CDH7: variants seen among roughly 807,000 people sequenced by gnomAD.
CDH7 encodes cadherin-7.
A neutral mutation model predicts 71.8 loss-of-function variants in CDH7; 25 were observed. The observed-to-expected ratio is 0.35, with a 90% CI of 0.25 to 0.49. The LOEUF is 0.49. Ranked by LOEUF, CDH7 falls within the 20% of genes least tolerant of loss-of-function variation. CDH7 has a pLI of 0.99. For synonymous variants in CDH7, 381 were observed against 363.8 expected, an observed-to-expected ratio of 1.05 and a Z score of -0.54; for missense variants, 862 against 974.6, an observed-to-expected ratio of 0.88 and a Z score of 1.54.
chr18:65,858,479 G>C (rs1913443915), intron 8 of CDH7, among the ~76,000 whole-genome samples: 1 of 151,898 alleles, frequency 6.6e-6, no homozygotes, highest in Non-Finnish European at 1.5e-5. Flanking sequence ...CAAATGTATA[G>C]TCATGCAAAT....
chr18:65,889,076 C>A lies in CDH7; in HGVS notation c.*8182C>A. On this transcript the variant is annotated 3_prime_UTR_variant, in exon 12 of 12. Transcript: ENST00000397968. ...ATATTGTCATTACGATGGCACTTCA[C>A]CAGTATGTCCTAATCTATTCTCTAT... 6.8e-6 allele frequency: 1 copy of A among 147,280 alleles called. No individual in the cohort carries two copies. 9.1% of individuals were successfully genotyped at this position (147,280 alleles called of 1,614,324 possible).
In CDH7 at chr18:65,781,844, T is replaced by C. The variant is rs1414173534; in HGVS notation, c.210+18792T>C. Among the ~76,000 whole-genome samples, 97 of 98,338 alleles carry C rather than the reference T, an allele frequency of 9.9e-4. 7 individuals carry two copies. Among genetic ancestry groups the C allele is most frequent in the African/African-American group, 5.9e-3 (88 of 14,854 alleles). 64.5% of individuals were successfully genotyped at this position (98,338 alleles called of 152,430 possible). A position where few individuals can be genotyped will look rare whatever the true frequency, so the allele number is the denominator to read the frequency against. On this transcript the variant is annotated intron_variant, in intron 2 of 11. Transcript: ENST00000397968. ...CTTCTTTCTTTCTTTCTTTCTTTCTTTCTTTCTTTCTTTCTTTCTTTCTCT... is the reference window on the plus strand; with the variant it reads ...CTTCTTTCTTTCTTTCTTTCTTTCTCTCTTTCTTTCTTTCTTTCTTTCTCT...
chr18:65,874,439 T>C (rs1158453670), intron 11 of CDH7, among the ~76,000 whole-genome samples: 1 of 150,878 alleles, frequency 6.6e-6, no homozygotes, highest in African/African-American at 2.5e-5. Context: ...ATACCTCATG[T>C]TCTCATTTAT....
At position 65,885,186 on chromosome 18, in the gene CDH7, G is replaced by A. The variant is rs1352185875; in HGVS notation, c.*4292G>A. On this transcript the variant is annotated 3_prime_UTR_variant, in exon 12 of 12. Transcript: ENST00000397968. ...TAATTGAAACTATTTCAGAAGAGTG[G>A]GATAAGCCCTTAAGAAAAATGGGAG... is the stretch of plus-strand genomic sequence containing the variant. 6.6e-6 allele frequency: 1 copy of A among 151,766 alleles called. No individual in the cohort carries two copies. Among genetic ancestry groups the A allele is most frequent in the Non-Finnish European group, 1.5e-5 (1 of 67,930 alleles). The allele number at this position is 151,766 out of a possible 1,614,324, so 9.4% of individuals were successfully genotyped here.
chr18:65,843,900 C>T lies in CDH7; in HGVS notation c.1070C>T (p.Pro357Leu), dbSNP rs1599044821. 6.2e-7 allele frequency: 1 copy of T among 1,600,288 alleles called. No homozygotes were observed. Among genetic ancestry groups the T allele is most frequent in the Non-Finnish European group, 8.5e-7 (1 of 1,171,488 alleles). The change falls in exon 7 of 12, where the codon CCG becomes CTG. Residue 357 changes from proline to leucine, a missense_variant. Physicochemically the swap from Pro to Leu is moderately conservative, Grantham distance 98 (BLOSUM62 -3). Transcript: ENST00000397968. Reference sequence around the variant, plus strand: ...GACCCTCGCTTTCTGAGCTTGGGTCCGTTCAGTGACACGACAACTGTGAAG... The same window carrying T: ...GACCCTCGCTTTCTGAGCTTGGGTCTGTTCAGTGACACGACAACTGTGAAG... ...DADPRFLSLG[P>L]FSDTTTVKII...
At chr18:65,862,968 A>G (rs1036241749) in intron 11 of CDH7, 51 bp downstream of exon 11, 1 of 1,575,150 alleles carries the variant, frequency 6.3e-7, no homozygotes, top group Non-Finnish European at 8.7e-7. Flanking sequence ...CAATAACCAC[A>G]TGTCACGACT....
intron 6 of CDH7, among the ~76,000 whole-genome samples, chr18:65,839,541 G>T (rs912825605): frequency 6.6e-6 from 1 of 152,116 alleles, no homozygotes; most frequent in African/African-American, 2.4e-5. Context: ...TTGGGGGGCG[G>T]ACACAAATAT....
chr18:65,782,157 T>TCTTC (rs1292983082), intron 2 of CDH7, among the ~76,000 whole-genome samples: 3 of 112,676 alleles, frequency 2.7e-5, no homozygotes, highest in East Asian at 5.1e-4. Flanking sequence ...TTTCTTTCTT[T>TCTTC]CTTTCTTCCT....
At chr18:65,817,311 A>G (rs1313427949) in intron 4 of CDH7, among the ~76,000 whole-genome samples, 4 of 152,098 alleles carry the variant, frequency 2.6e-5, no homozygotes, top group Non-Finnish European at 4.4e-5. Context: ...CCCTTCCTAC[A>G]CGCCCGGTTC....
At chr18:65,820,772 A>G (rs963410195) in intron 4 of CDH7, among the ~76,000 whole-genome samples, 24 of 152,186 alleles carry the variant, frequency 1.6e-4, no homozygotes, top group Non-Finnish European at 2.8e-4. Context: ...CCAGACTTCT[A>G]TCTTAACGAT....
At chr18:65,753,377 G>A (rs1318620668) in intron 1 of CDH7, among the ~76,000 whole-genome samples, 2 of 152,098 alleles carry the variant, frequency 1.3e-5, no homozygotes, top group African/African-American at 2.4e-5. Flanking sequence ...ATTGCTGAAT[G>A]GTTACAATCT....
chr18:65,789,357 C>A (rs1910624245), intron 2 of CDH7, among the ~76,000 whole-genome samples: 1 of 152,144 alleles, frequency 6.6e-6, no homozygotes, highest in African/African-American at 2.4e-5. Context: ...AAAATACAAT[C>A]TGTTTAGGCG....
In CDH7 at chr18:65,880,988, A is replaced by G; in HGVS notation, c.*94A>G. ...AATAATAAACCACTACATACAGAAAACAAGAACTCCCCTTGCTGGAGACAG... is the reference window on the plus strand; with the variant it reads ...AATAATAAACCACTACATACAGAAAGCAAGAACTCCCCTTGCTGGAGACAG... On this transcript the variant is annotated 3_prime_UTR_variant, in exon 12 of 12. Transcript: ENST00000397968. 4 of 1,196,328 alleles carry G rather than the reference A, an allele frequency of 3.3e-6. No individual in the cohort carries two copies. Among genetic ancestry groups the G allele is most frequent in the South Asian group, 3.3e-5 (2 of 60,550 alleles). 74.1% of individuals were successfully genotyped at this position (1,196,328 alleles called of 1,614,324 possible).
chr18:65,797,636 G>T (rs1910965389), intron 2 of CDH7, among the ~76,000 whole-genome samples: 1 of 152,098 alleles, frequency 6.6e-6, no homozygotes, highest in Non-Finnish European at 1.5e-5. Flanking sequence ...CCCATGGAGG[G>T]TCTTGTTATG....
chr18:65,825,818 A>T (rs758785297), intron 6 of CDH7, among the ~76,000 whole-genome samples: 5 of 151,826 alleles, frequency 3.3e-5, no homozygotes, highest in Non-Finnish European at 7.4e-5. Flanking sequence ...GCTGGTGACA[A>T]TCTGTGTATA....
chr18:65,880,031 G>C (rs958013084), intron 11 of CDH7, among the ~76,000 whole-genome samples: 1 of 152,100 alleles, frequency 6.6e-6, no homozygotes, highest in Non-Finnish European at 1.5e-5. Flanking sequence ...ATTTCAATTT[G>C]CCTTTCCAGC....
intron 2 of CDH7, among the ~76,000 whole-genome samples, chr18:65,777,172 ACC>A (rs973567173): frequency 6.6e-6 from 1 of 152,060 alleles, no homozygotes; most frequent in African/African-American, 2.4e-5. Flanking sequence ...AAAATGAAAG[ACC>A]TGATGCTGAA....
chr18:65,854,721 A>G (rs1014451963), intron 7 of CDH7, among the ~76,000 whole-genome samples: 1 of 152,128 alleles, frequency 6.6e-6, no homozygotes, highest in African/African-American at 2.4e-5. Context: ...TAGAGATTTG[A>G]CAAAGAGAGC....
chr18:65,872,206 C>A (rs1913947964), intron 11 of CDH7, among the ~76,000 whole-genome samples: 1 of 151,918 alleles, frequency 6.6e-6, no homozygotes, highest in Admixed American at 6.6e-5. Flanking sequence ...GACACACATG[C>A]CATGTAAAAA....
Sources: gnomAD v4.1 joint callset for allele counts (sites outside exome capture counted in the v4.1 genomes callset) on GRCh38, gnomAD v4.1.1 for gene constraint, MANE v1.5 for transcripts, NCBI Gene and HGNC (gene_info 2026-07-23, HGNC 2026-07-21) for gene names.